Variants in OLFM3 observed in about 807,000 individuals in gnomAD.
The protein encoded by OLFM3 is olfactomedin 3.
A neutral mutation model predicts 48.6 loss-of-function variants in OLFM3; 20 were observed. The observed-to-expected ratio is 0.41, with a 90% confidence interval of 0.29 to 0.60. The LOEUF (loss-of-function observed/expected upper bound fraction) is 0.60, where lower values mean the gene tolerates loss of function less well. Among genes scored for constraint, OLFM3 ranks in the 20% least tolerant of loss-of-function variants. The probability of loss-of-function intolerance (pLI) is 0.28; values close to 1 mark genes in which losing one functional copy is unlikely to be tolerated. For missense variants in OLFM3, 437 were observed against 544.3 expected, an observed-to-expected ratio of 0.80 and a Z score of 1.96; for synonymous variants, 222 against 198.1, an observed-to-expected ratio of 1.12 and a Z score of -1.01.
intron 1 of OLFM3, among the ~76,000 whole-genome samples, chr1:101,921,224 C>T (rs1337094267): frequency 2.0e-5 from 3 of 151,954 alleles, no homozygotes; most frequent in Middle Eastern, 6.8e-3. Flanking sequence ...CACACACACA[C>T]ACACACACAA....
At chr1:101,925,003 G>C (rs1659223344) in intron 1 of OLFM3, among the ~76,000 whole-genome samples, 2 of 152,136 alleles carry the variant, frequency 1.3e-5, no homozygotes, top group Non-Finnish European at 2.9e-5. Context: ...CTGGAAAGAG[G>C]TTAAGAGACA....
chr1:101,975,296 A>T (rs1660922281), intron 1 of OLFM3, among the ~76,000 whole-genome samples: 1 of 152,210 alleles, frequency 6.6e-6, no homozygotes, highest in Non-Finnish European at 1.5e-5. Flanking sequence ...TGGCTAAATC[A>T]CACACATGCA....
At chr1:101,984,130 C>T (rs1414834278) in intron 1 of OLFM3, among the ~76,000 whole-genome samples, 1 of 151,278 alleles carries the variant, frequency 6.6e-6, no homozygotes, top group African/African-American at 2.4e-5. Context: ...ATGCCAGCTA[C>T]TTGGGAGGCT....
intron 1 of OLFM3, among the ~76,000 whole-genome samples, chr1:101,888,889 A>G (rs1189448077): frequency 1.3e-5 from 2 of 152,220 alleles, no homozygotes; most frequent in African/African-American, 4.8e-5. Context: ...CAGCCAACAG[A>G]CACATGAAAA....
At chr1:101,970,343 T>C (rs1238909489) in intron 1 of OLFM3, among the ~76,000 whole-genome samples, 1 of 152,200 alleles carries the variant, frequency 6.6e-6, no homozygotes, top group Non-Finnish European at 1.5e-5. Context: ...AGATTATTCT[T>C]GGCATTTATT....
intron 4 of OLFM3, among the ~76,000 whole-genome samples, chr1:101,818,990 G>T (rs888654112): frequency 3.3e-5 from 5 of 152,058 alleles, no homozygotes; most frequent in African/African-American, 9.7e-5. Context: ...AGTGCAGGGA[G>T]AATTTATCTA....
rs529471499 is a variant in OLFM3 at position 101,993,718 on chromosome 1, G to C, written c.69+3030C>G. On this transcript the variant is annotated intron_variant, in intron 1 of 5. Transcript: ENST00000370103. ...AAAATACAAATAATTAATTAGTGTG[G>C]ATTGCCTTCCTTTGTTGGAAAAGAA... 3.3e-5 allele frequency among the ~76,000 whole-genome samples: 5 copies of C among 152,094 alleles called. No individual in the cohort carries two copies. The South Asian group carries it at 1.0e-3, about 32-fold the overall frequency.
chr1:101,980,597 C>T (rs1237545237), intron 1 of OLFM3, among the ~76,000 whole-genome samples: 3 of 152,140 alleles, frequency 2.0e-5, no homozygotes, highest in East Asian at 1.9e-4. Flanking sequence ...CCCAGCAATG[C>T]GGAACTGTGA....
intron 1 of OLFM3, among the ~76,000 whole-genome samples, chr1:101,914,034 A>C (rs1168375633): frequency 2.0e-5 from 3 of 152,216 alleles, no homozygotes; most frequent in Non-Finnish European, 4.4e-5. Flanking sequence ...AATATTTACA[A>C]GGAGACTTTC....
Position 101,804,262 on chromosome 1 carries a change from G to A in OLFM3, c.1353C>T (p.Ile451=). ...CCTATGTGTCATCCTCTGTCTTGAT[G>A]ATATGGAAAAGGGTGACATTGAACA... ...QVLFNVTLFH[I]IKTEDDT is the part of the protein sequence containing the mutation. Residue 451 remains isoleucine, a synonymous_variant, in exon 6 of 6, where the codon ATC becomes ATT. Transcript: ENST00000370103. This position sits in a 1 kb window ranked among gnomAD's most constrained non-coding sequence, Gnocchi z 4.5. 1 of 1,601,452 alleles carries A rather than the reference G, an allele frequency of 6.2e-7. No homozygotes were observed. Among genetic ancestry groups the A allele is most frequent in the South Asian group, 1.1e-5 (1 of 88,792 alleles).
intron 1 of OLFM3, among the ~76,000 whole-genome samples, chr1:101,950,933 A>G (rs1397212953): frequency 2.0e-5 from 3 of 152,226 alleles, no homozygotes; most frequent in Non-Finnish European, 4.4e-5. Flanking sequence ...AACATGGGCA[A>G]GTAATGTAAA....
intron 1 of OLFM3, among the ~76,000 whole-genome samples, chr1:101,943,089 T>C (rs1303551217): frequency 6.6e-6 from 1 of 152,194 alleles, no homozygotes; most frequent in Admixed American, 6.5e-5. Flanking sequence ...GGCTAGGGTA[T>C]AGCCTCTAGT....
intron 1 of OLFM3, among the ~76,000 whole-genome samples, chr1:101,994,918 T>C (rs1341060718): frequency 6.6e-6 from 1 of 152,044 alleles, no homozygotes; most frequent in Non-Finnish European, 1.5e-5. Flanking sequence ...AAAAGTTTTG[T>C]AGCATTGAAT....
At chr1:101,853,731 G>A (rs946592910) in intron 1 of OLFM3, among the ~76,000 whole-genome samples, 3 of 152,086 alleles carry the variant, frequency 2.0e-5, no homozygotes, top group African/African-American at 7.2e-5. Context: ...AAACAAACCA[G>A]TACAATGTAT....
intron 1 of OLFM3, 107 bp downstream of exon 1, chr1:101,996,641 G>T: frequency 8.8e-7 from 1 of 1,140,738 alleles, no homozygotes; most frequent in Non-Finnish European, 1.3e-6. Context: ...TAAGGTAGCT[G>T]AAAGAGCTGT....
chr1:101,884,636 A>T (rs1306042624), intron 1 of OLFM3, among the ~76,000 whole-genome samples: 1 of 152,024 alleles, frequency 6.6e-6, no homozygotes, highest in African/African-American at 2.4e-5. Context: ...TATAATCAGG[A>T]CTGCCCTATT....
At chr1:101,915,364 T>TA (rs5776610) in intron 1 of OLFM3, among the ~76,000 whole-genome samples, 1,696 of 148,864 alleles carry the variant, frequency 0.011, 13 homozygotes, top group Non-Finnish European at 0.014. Context: ...TTTAATCTGT[T>TA]AAAAAAAAAA....
chr1:101,919,602 T>C (rs1391286958), intron 1 of OLFM3, among the ~76,000 whole-genome samples: 3 of 152,196 alleles, frequency 2.0e-5, no homozygotes, highest in Admixed American at 6.6e-5. Flanking sequence ...TTACCTCTCT[T>C]CTTTAACCCC....
chr1:101,925,145 A>G (rs1052324474), intron 1 of OLFM3, among the ~76,000 whole-genome samples: 2 of 152,186 alleles, frequency 1.3e-5, no homozygotes, highest in African/African-American at 4.8e-5. Context: ...CTGCTTGGGA[A>G]GGAGAATAGA....
Sources: gnomAD v4.1 joint callset for allele counts (sites outside exome capture counted in the v4.1 genomes callset) on GRCh38, gnomAD v4.1.1 for gene constraint, Gnocchi (gnomAD v3.1) non-coding constraint, MANE v1.5 for transcripts, NCBI Gene and HGNC (gene_info 2026-07-23, HGNC 2026-07-21) for gene names.